Variants in RPGRIP1L observed in about 807,000 individuals in gnomAD.
RPGRIP1L encodes RPGRIP1 like.
A neutral mutation model predicts 160.4 loss-of-function variants in RPGRIP1L; 131 were observed. The ratio of observed to expected loss-of-function variants is 0.82; its 90% confidence interval spans 0.71 to 0.94. The LOEUF is 0.94. Ranked by LOEUF, RPGRIP1L falls within the 40% of genes least tolerant of loss-of-function variation. The pLI, the probability that RPGRIP1L is intolerant of heterozygous loss-of-function variation, is 0.00. For missense variants in RPGRIP1L, 1,522 were observed against 1,535.8 expected, an observed-to-expected ratio of 0.99 and a Z score of 0.15; for synonymous variants, 510 against 515.8, an observed-to-expected ratio of 0.99 and a Z score of 0.15.
Position 53,641,458 on chromosome 16 carries a change from CT to C in RPGRIP1L, c.2700del (p.Asp901ThrfsTer14). 6.2e-7 allele frequency: 1 copy of C among 1,613,476 alleles called. No individual in the cohort carries two copies. On this transcript the variant is annotated frameshift_variant, in exon 18 of 27. Transcript: ENST00000647211. LOFTEE classifies it high-confidence loss of function. ...GTGCCAGCAGGATGCTTTTGATGGTCTGTTAACTCAAATATTCCTGTCAAAT... is the reference window on the plus strand; with the variant it reads ...GTGCCAGCAGGATGCTTTTGATGGTCGTTAACTCAAATATTCCTGTCAAAT... ...DRCISGIFEL[T>X]DHQKHPAGTI...
chr16:53,683,621 G>A (rs1171785275), intron 6 of RPGRIP1L, among the ~76,000 whole-genome samples: 1 of 150,546 alleles, frequency 6.6e-6, no homozygotes, highest in Non-Finnish European at 1.5e-5. Flanking sequence ...GATGTTAATA[G>A]TTGTTAAAGC....
intron 21 of RPGRIP1L, among the ~76,000 whole-genome samples, 178 bp downstream of exon 21, chr16:53,637,514 TACA>T (rs1233374980): frequency 6.6e-6 from 1 of 152,194 alleles, no homozygotes; most frequent in Non-Finnish European, 1.5e-5. Context: ...TAAGAAGAGA[TACA>T]ACAATTCCAC....
intron 22 of RPGRIP1L, among the ~76,000 whole-genome samples, chr16:53,630,915 T>G (rs1327475638): frequency 6.6e-6 from 1 of 152,092 alleles, no homozygotes; most frequent in Non-Finnish European, 1.5e-5. Context: ...GTATTTTTAG[T>G]AGAGACAGGG....
chr16:53,657,355 A>G (rs1967348424), intron 13 of RPGRIP1L, 98 bp downstream of exon 13: 1 of 782,880 alleles, frequency 1.3e-6, no homozygotes, highest in South Asian at 1.6e-5. Context: ...ATTACAATAG[A>G]TGTTAATAGA....
At chr16:53,655,376 A>G (rs947332117) in intron 14 of RPGRIP1L, among the ~76,000 whole-genome samples, 2 of 152,010 alleles carry the variant, frequency 1.3e-5, no homozygotes, top group African/African-American at 4.8e-5. Context: ...ATAAATATCA[A>G]TTAAGTATAA....
chr16:53,683,244 T>G (rs569869498), intron 6 of RPGRIP1L, among the ~76,000 whole-genome samples: 5 of 152,112 alleles, frequency 3.3e-5, no homozygotes, highest in African/African-American at 9.6e-5. Flanking sequence ...CATACAAGTA[T>G]GATATCAAAC....
At chr16:53,608,224 G>A (rs1963807620) in intron 25 of RPGRIP1L, among the ~76,000 whole-genome samples, 1 of 152,036 alleles carries the variant, frequency 6.6e-6, no homozygotes, top group Non-Finnish European at 1.5e-5. Context: ...AGCTTTTTGT[G>A]ACTTGACTGA....
At chr16:53,667,211 C>T (rs1968340439) in intron 9 of RPGRIP1L, among the ~76,000 whole-genome samples, 1 of 152,190 alleles carries the variant, frequency 6.6e-6, no homozygotes, top group Non-Finnish European at 1.5e-5. Flanking sequence ...TGTCAGCCTG[C>T]AGTGGAATGC....
chr16:53,684,139 T>C (rs1024055279), intron 6 of RPGRIP1L, among the ~76,000 whole-genome samples: 1 of 152,206 alleles, frequency 6.6e-6, no homozygotes, highest in Admixed American at 6.5e-5. Context: ...TTTTACACTG[T>C]TGGTGGGACT....
chr16:53,682,366 C>T (rs1969672810), intron 6 of RPGRIP1L, among the ~76,000 whole-genome samples: 2 of 152,102 alleles, frequency 1.3e-5, no homozygotes, highest in Non-Finnish European at 1.5e-5. Flanking sequence ...AGGGACTTAC[C>T]TCTTCTATGT....
chr16:53,673,049 A>G (rs1361864382), intron 7 of RPGRIP1L, 33 bp from the exon 8 acceptor site: 1 of 1,572,812 alleles, frequency 6.4e-7, no homozygotes, highest in South Asian at 1.1e-5. Context: ...TTCAAACATT[A>G]TTTTTGACTA....
rs1189160289 is a variant in RPGRIP1L, at chr16:53,610,995, G to A, written c.3673C>T (p.Leu1225=). The A allele has an allele frequency of 2.5e-6, 4 of 1,612,384 alleles. No individual in the cohort carries two copies. Among genetic ancestry groups the A allele is most frequent in the Admixed American group, 1.7e-5 (1 of 59,974 alleles). The change falls in exon 25 of 27, where the codon CTA becomes TTA. Residue 1225 remains leucine, a synonymous_variant. Transcript: ENST00000647211. ...CTATTAGGCATCTCTTGTTTTTGTAGTATAGCTTTTAAGATGTCTCTCTTT... is the reference window on the plus strand; with the variant it reads ...CTATTAGGCATCTCTTGTTTTTGTAATATAGCTTTTAAGATGTCTCTCTTT... ...KAKRDILKAI[L]QKQEMPNRSL...
At chr16:53,648,497 C>T (rs368784541) in intron 16 of RPGRIP1L, among the ~76,000 whole-genome samples, 35 of 152,240 alleles carry the variant, frequency 2.3e-4, no homozygotes, top group East Asian at 1.9e-3. Context: ...CTGAATAGCA[C>T]GGGGCAGTTT....
intron 2 of RPGRIP1L, among the ~76,000 whole-genome samples, chr16:53,697,864 T>G (rs1185825861): frequency 1.3e-5 from 2 of 148,836 alleles, no homozygotes; most frequent in Non-Finnish European, 3.0e-5. Context: ...GGCTGCCCAG[T>G]CTGGAAAGTG....
intron 9 of RPGRIP1L, among the ~76,000 whole-genome samples, chr16:53,669,031 A>G (rs1968501071): frequency 6.6e-6 from 1 of 152,230 alleles, no homozygotes; most frequent in Non-Finnish European, 1.5e-5. Flanking sequence ...TCAATTTTGA[A>G]TAACAAACAA....
intron 21 of RPGRIP1L, among the ~76,000 whole-genome samples, chr16:53,636,831 G>A (rs920605682): frequency 1.3e-5 from 2 of 151,988 alleles, no homozygotes; most frequent in East Asian, 3.9e-4. Flanking sequence ...GACCAGTAAT[G>A]TTATGTAAGT....
chr16:53,653,285 C>T, intron 14 of RPGRIP1L: 2 of 977,426 alleles, frequency 2.0e-6, no homozygotes, highest in Non-Finnish European at 2.4e-6. Flanking sequence ...GCTGAGATAA[C>T]TACCTGGATT....
chr16:53,696,166 T>G lies in RPGRIP1L; in HGVS notation c.215A>C (p.Glu72Ala). ...TTATCATAACCTTTTAATTTTATCC[T>G]CCTGCTTGCGGGCATGCTGTTTAAG... ...ILLKQHARKQ[E>A]DKIKRMATKL... is the part of the protein sequence containing the mutation. Residue 72 changes from glutamate (E) to alanine (A), a missense_variant, in exon 3 of 27, where the codon GAG (glutamate) becomes GCG (alanine). Glu to Ala is a moderately radical substitution (Grantham distance 107, BLOSUM62 -1). Transcript: ENST00000647211. The G allele has an allele frequency of 6.2e-7, 1 of 1,613,950 alleles. No homozygotes were observed. The highest frequency in any genetic ancestry group is 8.5e-7 in the Non-Finnish European group (1 of 1,179,928).
rs1415350498 is a variant in RPGRIP1L, at chr16:53,703,791, C to G, written c.-8+12G>C. 5.4e-6 allele frequency: 2 copies of G among 369,152 alleles called. No homozygotes were observed. Among genetic ancestry groups the G allele is most frequent in the Admixed American group, 7.5e-5 (2 of 26,800 alleles). The allele number at this position is 369,152 out of a possible 1,614,324, so 22.9% of individuals were successfully genotyped here. On this transcript the variant is annotated intron_variant, in intron 1 of 26. Coordinates refer to ENST00000647211, the MANE Select transcript of RPGRIP1L (RefSeq NM_015272.5). ...CCCACCCTCATCCTCCCCCATCCTC[C>G]CGGGTACTCACCGTGCCACTGGCCC...
Sources: allele counts gnomAD v4.1 joint callset (sites outside exome capture counted in the v4.1 genomes callset), GRCh38; gene constraint gnomAD v4.1.1; transcripts MANE v1.5; gene names NCBI Gene and HGNC (gene_info 2026-07-23, HGNC 2026-07-21).